Variants in TTLL8 observed in about 807,000 individuals in gnomAD.
TTLL8 encodes the protein protein monoglycylase TTLL8.
A neutral mutation model predicts 77.8 loss-of-function variants in TTLL8; 65 were observed. The ratio of observed to expected loss-of-function variants is 0.84; its 90% CI spans 0.68 to 1.03. The LOEUF (loss-of-function observed/expected upper bound fraction) is 1.03, where lower values mean the gene tolerates loss of function less well. TTLL8 is among the 50% of genes least tolerant of loss of function. The probability of loss-of-function intolerance (pLI) is 0.00; values close to 1 mark genes in which losing one functional copy is unlikely to be tolerated. For missense variants in TTLL8, 910 were observed against 1,004.5 expected (o/e 0.91, Z 1.27); for synonymous variants, 402 against 422.8 (o/e 0.95, Z 0.60).
chr22:50,033,351 G>A (rs2061312347), exon 10 of TTLL8: 1 of 1,365,466 alleles, frequency 7.3e-7, no homozygotes, highest in Middle Eastern at 2.1e-4. Flanking sequence ...GCGTCTCGAT[G>A]TACTTCTGGA....
At chr22:50,051,757 T>C (rs889009847) in intron 1 of TTLL8, among the ~76,000 whole-genome samples, 2 of 152,212 alleles carry the variant, frequency 1.3e-5, no homozygotes, top group Non-Finnish European at 2.9e-5. Flanking sequence ...TATCACATTG[T>C]GGTTTTAATT....
intron 12 of TTLL8, chr22:50,030,096 G>T: frequency 1.1e-6 from 1 of 897,204 alleles, no homozygotes; most frequent in Non-Finnish European, 1.3e-6. Flanking sequence ...TCACGGCGCT[G>T]TTCAAGGTCC....
chr22:50,021,153 C>T (rs899647658), intron 12 of TTLL8, among the ~76,000 whole-genome samples: 2 of 150,874 alleles, frequency 1.3e-5, no homozygotes, highest in African/African-American at 4.9e-5. Flanking sequence ...ATGTGTACTC[C>T]TCCATCTGAT....
At chr22:50,031,520 G>T in intron 11 of TTLL8, 166 bp downstream of exon 12, 3 of 981,592 alleles carry the variant, frequency 3.1e-6, no homozygotes, top group Non-Finnish European at 3.6e-6. Flanking sequence ...AGCAGGGCAG[G>T]CCTGGGCCCT....
upstream of TTLL8, among the ~76,000 whole-genome samples, chr22:50,054,925 T>G (rs2061462959): frequency 6.6e-6 from 1 of 152,066 alleles, no homozygotes; most frequent in Non-Finnish European, 1.5e-5. Flanking sequence ...CTGGGCATGG[T>G]GGCGTGCACC....
intron 12 of TTLL8, among the ~76,000 whole-genome samples, chr22:50,027,432 G>C (rs1275374694): frequency 1.3e-5 from 2 of 151,502 alleles, no homozygotes; most frequent in African/African-American, 4.9e-5. Flanking sequence ...TACTCAGGAG[G>C]CTGAGGCAGG....
rs113534762 is a variant in TTLL8, at chr22:50,052,436, A to G, written c.51+2140T>C. On this transcript the variant is annotated intron_variant, in intron 1 of 13. Transcript: ENST00000266182. ...GGAAAGGGGGATTTAAAAAGTAACC[A>G]GTCCGGGAGAGCACATGAAAGGAGA... is the stretch of plus-strand genomic sequence containing the variant. Among the ~76,000 whole-genome samples the G allele has an allele frequency of 4.7e-4, 71 of 152,362 alleles. 1 individual carries two copies. The highest frequency in any genetic ancestry group is 1.7e-3 in the African/African-American group (69 of 41,590).
intron 5 of TTLL8, 45 bp from the exon 8 acceptor site, chr22:50,045,434 T>C: frequency 7.4e-7 from 1 of 1,354,328 alleles, no homozygotes; most frequent in South Asian, 1.1e-5. Context: ...GAGCCAGGAC[T>C]GGGGACTGGA....
rs893004969 is a variant in TTLL8, at chr22:50,028,575, G to C, written c.2203+1855C>G. Among the ~76,000 whole-genome samples, 16 of 150,760 alleles carry C rather than the reference G, an allele frequency of 1.1e-4. No homozygotes were observed. The East Asian group carries it at 1.8e-3, about 17-fold the overall frequency. On this transcript the variant is annotated intron_variant, in intron 12 of 13. Coordinates refer to ENST00000266182, the Ensembl canonical transcript of TTLL8. The stretch of plus-strand genomic sequence containing the variant: ...GGCAACACCTGCGTGCCGTCATAAA[G>C]ACCCCCACCATGCCCTCGTAAAGAC...
intron 12 of TTLL8, chr22:50,027,871 C>T: frequency 1.1e-6 from 1 of 922,156 alleles, no homozygotes; most frequent in Non-Finnish European, 1.3e-6. Context: ...CCCTCGAGGG[C>T]CTGACCGCGA....
chr22:50,052,561 C>A (rs1473958870), intron 1 of TTLL8, among the ~76,000 whole-genome samples: 2 of 152,118 alleles, frequency 1.3e-5, no homozygotes, highest in Non-Finnish European at 2.9e-5. Flanking sequence ...ACACTAAATG[C>A]TCCAGACAAA....
chr22:50,040,981 G>T (rs1048670370), intron 8 of TTLL8, among the ~76,000 whole-genome samples: 7 of 152,178 alleles, frequency 4.6e-5, no homozygotes, highest in African/African-American at 1.7e-4. Context: ...GGCAAATGGT[G>T]ATGATGAGAG....
At chr22:50,042,236 GCA>G (rs1050489862) in intron 6 of TTLL8, among the ~76,000 whole-genome samples, 1 of 152,214 alleles carries the variant, frequency 6.6e-6, no homozygotes, top group Admixed American at 6.5e-5. Flanking sequence ...GGAGATATTT[GCA>G]CACACTTAAT....
intron 5 of TTLL8, 147 bp downstream of exon 7, chr22:50,045,709 G>C (rs996602899): frequency 9.2e-6 from 11 of 1,194,976 alleles, no homozygotes; most frequent in Admixed American, 3.2e-5. Context: ...CCTGGCCTCT[G>C]TACTGCCATG....
chr22:50,028,077 A>G (rs1342536375), intron 12 of TTLL8, among the ~76,000 whole-genome samples: 1 of 152,222 alleles, frequency 6.6e-6, no homozygotes, highest in Non-Finnish European at 1.5e-5. Flanking sequence ...TGGTGTCAAA[A>G]TGCCAGGTTG....
rs1326765508 is a variant in TTLL8 at position 50,026,267 on chromosome 22, G to A, written c.2203+4163C>T. On this transcript the variant is annotated intron_variant, in intron 12 of 13. Transcript: ENST00000266182. ...CAGGGTCAGACACGGAAATACACCC[G>A]CCACTCTGCACAGCCGCCACCCTGC... Among the ~76,000 whole-genome samples the A allele has an allele frequency of 1.3e-5, 2 of 152,068 alleles. 1 individual carries two copies. The highest frequency in any genetic ancestry group is 2.9e-5 in the Non-Finnish European group (2 of 68,022).
At chr22:50,033,173 G>T in intron 10 of TTLL8, 29 bp downstream of exon 11, 1 of 1,301,240 alleles carries the variant, frequency 7.7e-7, no homozygotes, top group Non-Finnish European at 1.0e-6. Flanking sequence ...TCCCTGGCCC[G>T]AGGTGTCCAG....
At chr22:50,028,426 T>C (rs1157849793) in intron 12 of TTLL8, among the ~76,000 whole-genome samples, 3 of 152,114 alleles carry the variant, frequency 2.0e-5, no homozygotes, top group Non-Finnish European at 2.9e-5. Context: ...TCCCCACACC[T>C]GGGAATGTGC....
At chr22:50,048,211 C>T (rs2061424254) in intron 3 of TTLL8, among the ~76,000 whole-genome samples, 6 of 151,922 alleles carry the variant, frequency 3.9e-5, no homozygotes, top group Middle Eastern at 3.4e-3. Flanking sequence ...TCAACAGAGC[C>T]GAAGTCCCCC....
Sources: gnomAD v4.1 joint callset for allele counts (sites outside exome capture counted in the v4.1 genomes callset) on GRCh38, gnomAD v4.1.1 for gene constraint, MANE v1.5 for transcripts, NCBI Gene and HGNC (gene_info 2026-07-23, HGNC 2026-07-21) for gene names.